The following TBL1X variants were observed in gnomAD, a reference collection of about 807,000 sequenced individuals.
TBL1X encodes transducin beta like 1 X-linked.
TBL1X carries 10 observed loss-of-function variants against 50.7 expected under a neutral mutation model. The observed-to-expected ratio is 0.20, with a 90% CI of 0.12 to 0.33. The LOEUF (loss-of-function observed/expected upper bound fraction) is 0.33. Ranked by LOEUF, TBL1X falls within the 10% of genes least tolerant of loss-of-function variation. The probability of loss-of-function intolerance (pLI) is 1.00; values close to 1 mark genes in which losing one functional copy is unlikely to be tolerated. For missense variants in TBL1X, 340 were observed against 504.4 expected (o/e 0.67, Z 3.12); for synonymous variants, 190 against 214.7 (o/e 0.88, Z 1.01).
intron 2 of TBL1X, among the ~76,000 whole-genome samples, chrX:9,541,355 A>C (rs1262435677): frequency 1.8e-5 from 2 of 110,930 alleles, no homozygotes; most frequent in Non-Finnish European, 3.8e-5. Flanking sequence ...ACATGAAAAC[A>C]CTGGATGGTT....
chrX:9,536,919 G>C (rs964168259), intron 2 of TBL1X, among the ~76,000 whole-genome samples: 2 of 112,069 alleles, frequency 1.8e-5, no homozygotes, highest in Non-Finnish European at 1.9e-5. Flanking sequence ...CAGGTGCAAA[G>C]CGTTTACAAA....
chrX:9,569,236 A>AGTGTGCTGTGTGTGTGTG (rs1204046871), intron 2 of TBL1X, among the ~76,000 whole-genome samples: 1 of 84,394 alleles, frequency 1.2e-5, no homozygotes, highest in Non-Finnish European at 2.3e-5. Flanking sequence ...TGGTGTCTGC[A>AGTGTGCTGTGTGTGTGTG]GTGTGCTGTG....
At chrX:9,677,253 G>C (rs1185090962) in intron 5 of TBL1X, among the ~76,000 whole-genome samples, 1 of 111,592 alleles carries the variant, frequency 9.0e-6, no homozygotes, top group Admixed American at 9.6e-5. Context: ...CTGAGGAGAA[G>C]CTGTGCTGAC....
intron 2 of TBL1X, among the ~76,000 whole-genome samples, chrX:9,573,769 G>A (rs2082396945): frequency 8.8e-6 from 1 of 113,028 alleles, no homozygotes; most frequent in South Asian, 3.6e-4. Context: ...ACGGGTGAGA[G>A]TCCAGTGGGA....
intron 2 of TBL1X, among the ~76,000 whole-genome samples, chrX:9,504,962 C>T (rs1007714110): frequency 5.4e-5 from 6 of 111,424 alleles, no homozygotes; most frequent in African/African-American, 1.6e-4. Context: ...ATACTGGGAA[C>T]ACCATTAAGA....
At chrX:9,701,118 A>G (rs781049699) in intron 12 of TBL1X, among the ~76,000 whole-genome samples, 8 of 110,953 alleles carry the variant, frequency 7.2e-5, no homozygotes, top group Non-Finnish European at 1.5e-4. Flanking sequence ...ACAGCACTCT[A>G]CAGGCAAATT....
At chrX:9,626,940 CA>C (rs2082695714) in intron 2 of TBL1X, among the ~76,000 whole-genome samples, 1 of 112,178 alleles carries the variant, frequency 8.9e-6, no homozygotes, top group Admixed American at 9.5e-5. Context: ...TGTAGTCACA[CA>C]AAACTAGGCC....
chrX:9,633,203 A>G (rs1207290730), intron 2 of TBL1X, among the ~76,000 whole-genome samples: 1 of 112,165 alleles, frequency 8.9e-6, no homozygotes, highest in Non-Finnish European at 1.9e-5. Context: ...GGCCTAAGGA[A>G]TTTGTGTGCA....
At chrX:9,654,892 G>T (rs1215497970) in intron 5 of TBL1X, among the ~76,000 whole-genome samples, 1 of 111,568 alleles carries the variant, frequency 9.0e-6, no homozygotes, top group Non-Finnish European at 1.9e-5. Context: ...CAGCAGGGAA[G>T]TAGTGGGAAG....
chrX:9,550,399 A>G (rs752091059), intron 2 of TBL1X, among the ~76,000 whole-genome samples: 1 of 112,551 alleles, frequency 8.9e-6, no homozygotes, highest in South Asian at 3.7e-4. Context: ...AAAAATCTCA[A>G]TCAACCAAGG....
At chrX:9,492,240 A>G (rs1169144331) in intron 1 of TBL1X, among the ~76,000 whole-genome samples, 3 of 111,577 alleles carry the variant, frequency 2.7e-5, no homozygotes, top group Non-Finnish European at 5.6e-5. Flanking sequence ...AACAGAGTCC[A>G]TCCTTCAGTT....
At chrX:9,555,781 G>A (rs911503575) in intron 2 of TBL1X, among the ~76,000 whole-genome samples, 1 of 111,817 alleles carries the variant, frequency 8.9e-6, no homozygotes, top group Non-Finnish European at 1.9e-5. Context: ...TGAAATTAGG[G>A]ACTACCATGA....
chrX:9,669,237 T>C (rs1180850941), intron 5 of TBL1X, among the ~76,000 whole-genome samples: 3 of 111,376 alleles, frequency 2.7e-5, no homozygotes, highest in Non-Finnish European at 3.8e-5. Context: ...CCTCGTAATA[T>C]AGGCGACAAA....
chrX:9,681,460 C>T (rs1256440708), intron 5 of TBL1X, among the ~76,000 whole-genome samples: 1 of 112,479 alleles, frequency 8.9e-6, no homozygotes, highest in Admixed American at 9.4e-5. Flanking sequence ...AGTACCAACT[C>T]CAAACAGCTG....
At chrX:9,607,879 T>A (rs2082591853) in intron 2 of TBL1X, among the ~76,000 whole-genome samples, 1 of 110,260 alleles carries the variant, frequency 9.1e-6, no homozygotes, top group African/African-American at 3.3e-5. Context: ...AGTGGTGTGA[T>A]CATAGCTCAC....
At chrX:9,612,100 A>G (rs1319759709) in intron 2 of TBL1X, among the ~76,000 whole-genome samples, 1 of 113,030 alleles carries the variant, frequency 8.8e-6, no homozygotes, top group Non-Finnish European at 1.9e-5. Flanking sequence ...TGTTAAGAAT[A>G]ACTTCAAACA....
Position 9,705,252 on chromosome X carries a change from G to T in TBL1X, c.1236+138G>T, listed in dbSNP as rs980053319. ...CCCCTTGGCTATTTGAGCTGTCATGGTTACCCCATGGTAACCATGGTGGTT... is the reference window on the plus strand; with the variant it reads ...CCCCTTGGCTATTTGAGCTGTCATGTTTACCCCATGGTAACCATGGTGGTT... On this transcript the variant is annotated intron_variant, in intron 13 of 17. Coordinates refer to ENST00000645353, the MANE Select transcript of TBL1X (RefSeq NM_005647.4). 7.6e-6 allele frequency: 8 copies of T among 1,050,835 alleles called. No homozygotes were observed. The South Asian group carries it at 1.3e-4, about 17-fold the overall frequency. 86.6% of individuals were successfully genotyped at this position (1,050,835 alleles called of 1,213,427 possible).
chrX:9,483,147 G>C, intron 1 of TBL1X, among the ~76,000 whole-genome samples: 1 of 111,274 alleles, frequency 9.0e-6, no homozygotes, highest in East Asian at 2.8e-4. Context: ...AGCCCCAAAA[G>C]GTCAGCATTG....
intron 2 of TBL1X, among the ~76,000 whole-genome samples, chrX:9,629,046 G>A: frequency 8.9e-6 from 1 of 112,520 alleles, no homozygotes; most frequent in East Asian, 2.8e-4. Context: ...AGACAAACCT[G>A]CTCTACTTGT....
Sources: gnomAD v4.1 joint callset for allele counts (sites outside exome capture counted in the v4.1 genomes callset) on GRCh38, gnomAD v4.1.1 for gene constraint, MANE v1.5 for transcripts, NCBI Gene and HGNC (gene_info 2026-07-23, HGNC 2026-07-21) for gene names.